The following COMMD10 variants were observed in gnomAD, a reference collection of about 807,000 sequenced individuals.
The protein encoded by COMMD10 is COMM domain containing 10.
A neutral mutation model predicts 28.9 loss-of-function variants in COMMD10; 33 were observed. That is an observed-to-expected ratio of 1.14 (90% confidence interval 0.87 to 1.53). The LOEUF is 1.53. Ranked by LOEUF, COMMD10 falls within the 40% of genes most tolerant of loss-of-function variation. COMMD10 has a pLI of 0.00. For missense variants in COMMD10, 310 were observed against 233.4 expected, an observed-to-expected ratio of 1.33 and a Z score of -2.14; for synonymous variants, 110 against 81.7, an observed-to-expected ratio of 1.35 and a Z score of -1.87.
chr5:116,184,607 T>C (rs1748079868), intron 5 of COMMD10, among the ~76,000 whole-genome samples: 1 of 152,096 alleles, frequency 6.6e-6, no homozygotes, highest in Admixed American at 6.6e-5. Flanking sequence ...AAAAGCAGCG[T>C]CAACTTTTAC....
intron 4 of COMMD10, among the ~76,000 whole-genome samples, chr5:116,119,937 A>T (rs1322947363): frequency 1.3e-5 from 2 of 152,134 alleles, no homozygotes; most frequent in Non-Finnish European, 2.9e-5. Context: ...TTAAAAAATA[A>T]TGTTTTATAA....
intron 5 of COMMD10, among the ~76,000 whole-genome samples, chr5:116,170,561 C>A (rs1753291609): frequency 6.6e-6 from 1 of 152,112 alleles, no homozygotes; most frequent in Non-Finnish European, 1.5e-5. Flanking sequence ...AAGCTGGAGG[C>A]ATCACACTAC....
chr5:116,268,050 A>G (rs980242916), intron 5 of COMMD10, among the ~76,000 whole-genome samples: 1 of 151,886 alleles, frequency 6.6e-6, no homozygotes, highest in African/African-American at 2.4e-5. Flanking sequence ...CAAGGACTTC[A>G]TGTCTAAAAC....
chr5:116,282,357 G>A (rs2112709399), intron 5 of COMMD10, among the ~76,000 whole-genome samples: 1 of 151,988 alleles, frequency 6.6e-6, no homozygotes, highest in East Asian at 1.9e-4. Flanking sequence ...GTAGTTTGGA[G>A]AAACTCCAAA....
chr5:116,090,718 A>G (rs1028017390), intron 2 of COMMD10, among the ~76,000 whole-genome samples: 1 of 152,148 alleles, frequency 6.6e-6, no homozygotes, highest in Non-Finnish European at 1.5e-5. Context: ...GAATTATGAA[A>G]ATCACACCCA....
intron 5 of COMMD10, among the ~76,000 whole-genome samples, chr5:116,182,348 G>A (rs1007096894): frequency 6.6e-6 from 1 of 151,822 alleles, no homozygotes; most frequent in East Asian, 1.9e-4. Flanking sequence ...AAGAACAATA[G>A]GTTTCCGATT....
chr5:116,237,643 C>G (rs1293869256), intron 5 of COMMD10, among the ~76,000 whole-genome samples: 1 of 151,752 alleles, frequency 6.6e-6, no homozygotes, highest in African/African-American at 2.4e-5. Context: ...GACCCTGCTT[C>G]TAGAAAAAAA....
chr5:116,105,838 T>G (rs1016499899), intron 4 of COMMD10, among the ~76,000 whole-genome samples: 2 of 152,186 alleles, frequency 1.3e-5, no homozygotes, highest in African/African-American at 2.4e-5. Flanking sequence ...GTGTATTTGA[T>G]TCTTCTCTCT....
At chr5:116,166,774 A>G (rs1297797318) in intron 5 of COMMD10, among the ~76,000 whole-genome samples, 1 of 152,164 alleles carries the variant, frequency 6.6e-6, no homozygotes, top group East Asian at 1.9e-4. Flanking sequence ...AAAGAAAACT[A>G]ACAAACAGAG....
intron 5 of COMMD10, among the ~76,000 whole-genome samples, chr5:116,145,551 A>G (rs1339143645): frequency 2.0e-5 from 3 of 151,816 alleles, no homozygotes; most frequent in Non-Finnish European, 4.4e-5. Context: ...GTGGTAAGTG[A>G]TGAGAGGGAG....
Position 116,165,892 on chromosome 5 carries a change from C to A in COMMD10, c.510+31714C>A, listed in dbSNP as rs140026657. Reference sequence around the variant, plus strand: ...GCTATAACATGAATTTTGGGGTATACAAGAATTCAGTTAATAATACTTGAT... The same window carrying A: ...GCTATAACATGAATTTTGGGGTATAAAAGAATTCAGTTAATAATACTTGAT... On this transcript the variant is annotated intron_variant, in intron 5 of 6. Coordinates refer to ENST00000274458, the MANE Select transcript of COMMD10 (RefSeq NM_016144.4). Among the ~76,000 whole-genome samples the A allele has an allele frequency of 3.0e-4, 46 of 152,172 alleles. 1 individual carries two copies. The East Asian group carries it at 8.9e-3, about 29-fold the overall frequency.
chr5:116,184,254 G>A (rs1307309467), intron 5 of COMMD10, among the ~76,000 whole-genome samples: 3 of 149,510 alleles, frequency 2.0e-5, no homozygotes, highest in Non-Finnish European at 4.4e-5. Context: ...CAATCCTTTT[G>A]TGTTCACTCC....
intron 5 of COMMD10, among the ~76,000 whole-genome samples, chr5:116,280,555 A>G (rs904686650): frequency 6.6e-6 from 1 of 151,866 alleles, no homozygotes; most frequent in Non-Finnish European, 1.5e-5. Context: ...ATTCCTTGCC[A>G]TGGTACATTC....
intron 5 of COMMD10, among the ~76,000 whole-genome samples, chr5:116,179,549 T>A (rs1412711511): frequency 6.6e-6 from 1 of 151,878 alleles, no homozygotes; most frequent in South Asian, 2.1e-4. Flanking sequence ...TGTTCCACAA[T>A]GGAAGGAACA....
In COMMD10 at chr5:116,292,941, G is replaced by T; in HGVS notation, c.*452G>T. On this transcript the variant is annotated 3_prime_UTR_variant, in exon 7 of 7. Coordinates refer to ENST00000274458, the MANE Select transcript of COMMD10 (RefSeq NM_016144.4). ...GCCATATACAATCAAATACACTATG[G>T]CATTTTTATTTGAATATGATGAGTA... The T allele has an allele frequency of 2.5e-6, 1 of 396,538 alleles. No homozygotes were observed. Among genetic ancestry groups the T allele is most frequent in the Non-Finnish European group, 4.5e-6 (1 of 224,714 alleles). 24.6% of individuals were successfully genotyped at this position (396,538 alleles called of 1,614,324 possible).
chr5:116,152,298 C>G (rs143396749), intron 5 of COMMD10, among the ~76,000 whole-genome samples: 3 of 152,140 alleles, frequency 2.0e-5, no homozygotes, highest in Non-Finnish European at 4.4e-5. Flanking sequence ...AAGAATACCA[C>G]TTCCTTAATT....
chr5:116,239,544 C>G (rs1749760654), intron 5 of COMMD10, among the ~76,000 whole-genome samples: 1 of 151,894 alleles, frequency 6.6e-6, no homozygotes, highest in South Asian at 2.1e-4. Context: ...TAAAATCTGA[C>G]TCTTGTAGCA....
chr5:116,128,076 T>A (rs1751723317), intron 4 of COMMD10, among the ~76,000 whole-genome samples: 1 of 152,088 alleles, frequency 6.6e-6, no homozygotes, highest in African/African-American at 2.4e-5. Context: ...AAAACTTTAA[T>A]GCTGCTGTTT....
chr5:116,157,640 A>C lies in COMMD10; in HGVS notation c.510+23462A>C, dbSNP rs182301692. Among the ~76,000 whole-genome samples, 350 of 152,314 alleles carry C rather than the reference A, an allele frequency of 2.3e-3. 1 individual carries two copies. The highest frequency in any genetic ancestry group is 3.5e-3 in the Admixed American group (54 of 15,292). On this transcript the variant is annotated intron_variant, in intron 5 of 6. Coordinates refer to ENST00000274458, the MANE Select transcript of COMMD10 (RefSeq NM_016144.4). ...AAAGAATAGGCCAGATTTAAGGAAT[A>C]GGGAAGTAGATTCTAATTGTTGATG...
Sources: gnomAD v4.1 joint callset for allele counts (sites outside exome capture counted in the v4.1 genomes callset) on GRCh38, gnomAD v4.1.1 for gene constraint, MANE v1.5 for transcripts, NCBI Gene and HGNC (gene_info 2026-07-23, HGNC 2026-07-21) for gene names.